Variants in UBE2Z observed in about 807,000 individuals in gnomAD.
UBE2Z encodes ubiquitin conjugating enzyme E2 Z, also known as ubiquitin-conjugating enzyme E2 Z.
In UBE2Z, 10 loss-of-function variants were observed where a neutral mutation model predicts 32.6. The ratio of observed to expected loss-of-function variants is 0.31; its 90% confidence interval spans 0.19 to 0.52. The LOEUF is 0.52. Ranked by LOEUF, UBE2Z falls within the 20% of genes least tolerant of loss-of-function variation. The probability of loss-of-function intolerance (pLI) is 0.97; values close to 1 mark genes in which losing one functional copy is unlikely to be tolerated. For missense variants in UBE2Z, 343 were observed against 480.9 expected, an observed-to-expected ratio of 0.71 and a Z score of 2.68; for synonymous variants, 183 against 190.8, an observed-to-expected ratio of 0.96 and a Z score of 0.34.
At chr17:48,909,112 C>G in intron 1 of UBE2Z, 2 of 186,720 alleles carry the variant, frequency 1.1e-5, no homozygotes, top group African/African-American at 2.4e-5. Context: ...CCACACCTCC[C>G]ACCTCCGGGT....
At chr17:48,922,992 C>A (rs1318929000) in intron 6 of UBE2Z, 55 bp downstream of exon 6, 5 of 1,493,374 alleles carry the variant, frequency 3.3e-6, no homozygotes, top group South Asian at 1.2e-5. Context: ...CATGTAAAAG[C>A]CCCCCACAAG....
intron 6 of UBE2Z, among the ~76,000 whole-genome samples, chr17:48,925,628 A>T (rs751009135): frequency 5.9e-5 from 9 of 152,224 alleles, no homozygotes; most frequent in Non-Finnish European, 1.2e-4. Context: ...TAGCAATATC[A>T]GTGTGTAAAG....
Position 48,928,197 on chromosome 17 carries a change from G to A in UBE2Z, c.*1063G>A, listed in dbSNP as rs2040810112. On this transcript the variant is annotated 3_prime_UTR_variant, in exon 7 of 7. Coordinates refer to ENST00000360943, the MANE Select transcript of UBE2Z (RefSeq NM_023079.5). ...AGAGGGGGTTGGGGCTGGGACTCTGGAGGCTCCTCCCCTTCTTTCTCTTCC... is the reference window on the plus strand; with the variant it reads ...AGAGGGGGTTGGGGCTGGGACTCTGAAGGCTCCTCCCCTTCTTTCTCTTCC... The A allele has an allele frequency of 6.6e-6, 1 of 152,316 alleles. No homozygotes were observed. Among genetic ancestry groups the A allele is most frequent in the South Asian group, 2.1e-4 (1 of 4,824 alleles). The allele number at this position is 152,316 out of a possible 1,614,324, so 9.4% of individuals were successfully genotyped here.
At chr17:48,920,898 A>G (rs1293916763) in intron 4 of UBE2Z, among the ~76,000 whole-genome samples, 1 of 151,650 alleles carries the variant, frequency 6.6e-6, no homozygotes, top group African/African-American at 2.4e-5. Flanking sequence ...TTCACTTCAC[A>G]TTCAGGAAAA....
At chr17:48,926,221 G>GCTT (rs1322683865) in intron 6 of UBE2Z, among the ~76,000 whole-genome samples, 2 of 152,136 alleles carry the variant, frequency 1.3e-5, no homozygotes, top group African/African-American at 4.8e-5. Flanking sequence ...TTCTAGACCT[G>GCTT]CTTCTGACCT....
intron 6 of UBE2Z, among the ~76,000 whole-genome samples, chr17:48,923,320 CAAAA>C (rs56100763): frequency 6.9e-5 from 7 of 102,050 alleles, no homozygotes; most frequent in African/African-American, 1.1e-4. Context: ...GACTCTGTCT[CAAAA>C]AAAAAAAAAA....
At chr17:48,919,070 C>T (rs62075838) in intron 4 of UBE2Z, among the ~76,000 whole-genome samples, 62,099 of 151,306 alleles carry the variant, frequency 0.41, 15,203 homozygotes, top group East Asian at 0.71. Context: ...TTTTTACTTC[C>T]AGAATGACTT....
chr17:48,923,894 T>TTTTTG (rs1186019920), intron 6 of UBE2Z, among the ~76,000 whole-genome samples: 1 of 152,112 alleles, frequency 6.6e-6, no homozygotes, highest in Non-Finnish European at 1.5e-5. Flanking sequence ...CCACAGCTAG[T>TTTTTG]TTTTGTTTTG....
rs566212380 is a variant in UBE2Z, at chr17:48,925,813, C to T, written c.895-1151C>T. Among the ~76,000 whole-genome samples the T allele has an allele frequency of 6.6e-5, 10 of 152,292 alleles. No homozygotes were observed. The South Asian group carries it at 2.1e-3, about 32-fold the overall frequency. On this transcript the variant is annotated intron_variant, in intron 6 of 6. Coordinates refer to ENST00000360943, the MANE Select transcript of UBE2Z (RefSeq NM_023079.5). ...AACTCTCATGAAGGAGAAGTGCAGG[C>T]TGTAGTCCCAGTGACAGTGACTAGC...
chr17:48,911,146 G>T, intron 2 of UBE2Z: 1 of 449,606 alleles, frequency 2.2e-6, no homozygotes, highest in Non-Finnish European at 4.1e-6. Context: ...CTATTTATAG[G>T]GCATTCTTTC....
intron 4 of UBE2Z, among the ~76,000 whole-genome samples, chr17:48,917,181 C>T (rs906955101): frequency 2.0e-5 from 3 of 152,110 alleles, no homozygotes; most frequent in Non-Finnish European, 2.9e-5. Context: ...TGGCAGGCGC[C>T]TGTAGTCCCA....
chr17:48,916,680 T>C (rs902265254), intron 4 of UBE2Z, among the ~76,000 whole-genome samples: 2 of 151,998 alleles, frequency 1.3e-5, no homozygotes, highest in African/African-American at 4.8e-5. Flanking sequence ...TTGACACGTG[T>C]TTTTTAGTAA....
intron 2 of UBE2Z, 72 bp downstream of exon 2, chr17:48,910,952 G>A: frequency 8.2e-7 from 1 of 1,225,470 alleles, no homozygotes; most frequent in Non-Finnish European, 1.2e-6. Flanking sequence ...GCCTAAAAGA[G>A]ATTATTCAGC....
chr17:48,925,357 A>G (rs1436859965), intron 6 of UBE2Z, among the ~76,000 whole-genome samples: 2 of 151,818 alleles, frequency 1.3e-5, no homozygotes, highest in Non-Finnish European at 2.9e-5. Context: ...GGCTCTCTCC[A>G]GCTCTCGTAC....
chr17:48,914,822 C>T (rs1210982284), intron 3 of UBE2Z, among the ~76,000 whole-genome samples: 3 of 151,990 alleles, frequency 2.0e-5, no homozygotes, highest in Admixed American at 6.6e-5. Context: ...GTCAGGAGTT[C>T]GAGACCAGCC....
At chr17:48,912,778 G>T in intron 2 of UBE2Z, 56 bp from the exon 3 acceptor site, 1 of 1,597,248 alleles carries the variant, frequency 6.3e-7, no homozygotes, top group Non-Finnish European at 8.6e-7. Context: ...GGGTAGCCAG[G>T]AGGGCTTGGG....
intron 6 of UBE2Z, among the ~76,000 whole-genome samples, chr17:48,924,572 G>A (rs561874302): frequency 3.1e-4 from 47 of 149,926 alleles, no homozygotes; most frequent in Non-Finnish European, 6.5e-4. Context: ...ACAGCCAGGT[G>A]CGGTGGCTTA....
chr17:48,916,217 G>T, intron 4 of UBE2Z, 30 bp downstream of exon 4: 4 of 1,198,230 alleles, frequency 3.3e-6, no homozygotes, highest in Non-Finnish European at 4.5e-6. Flanking sequence ...GCTCTGGGGT[G>T]TAGACTATTG....
At chr17:48,909,780 G>A (rs1052391043) in intron 1 of UBE2Z, among the ~76,000 whole-genome samples, 4 of 151,888 alleles carry the variant, frequency 2.6e-5, no homozygotes, top group African/African-American at 9.7e-5. Context: ...TTCTCCCCAT[G>A]CCCCCATCAC....
Sources: gnomAD v4.1 joint callset for allele counts (sites outside exome capture counted in the v4.1 genomes callset) on GRCh38, gnomAD v4.1.1 for gene constraint, MANE v1.5 for transcripts, NCBI Gene and HGNC (gene_info 2026-07-23, HGNC 2026-07-21) for gene names.